Variants in RANBP17 observed in about 807,000 individuals in gnomAD.
RANBP17 encodes the protein ran-binding protein 17.
A neutral mutation model predicts 141.2 loss-of-function variants in RANBP17; 158 were observed. The observed-to-expected ratio is 1.12, with a 90% CI of 0.98 to 1.28. RANBP17 has a LOEUF of 1.28. Among genes scored for constraint, RANBP17 ranks in the 50% most tolerant of loss-of-function variants. The pLI, the probability that RANBP17 is intolerant of heterozygous loss-of-function variation, is 0.00. For missense variants in RANBP17, 1,438 were observed against 1,290.7 expected (o/e 1.11, Z -1.75); for synonymous variants, 430 against 450.0 (o/e 0.96, Z 0.56).
chr5:170,881,958 A>T, intron 3 of RANBP17, 62 bp downstream of exon 3: 1 of 1,106,694 alleles, frequency 9.0e-7, no homozygotes, highest in Non-Finnish European at 1.3e-6. Context: ...TTTTAAATAT[A>T]CTAAACTGTT....
intron 14 of RANBP17, among the ~76,000 whole-genome samples, chr5:171,112,910 C>T (rs183361057): frequency 2.0e-5 from 3 of 152,224 alleles, no homozygotes; most frequent in Admixed American, 2.0e-4. Flanking sequence ...GCCTTCTTGG[C>T]TTTGTCAAGT....
At chr5:171,060,940 T>C (rs1251730080) in intron 14 of RANBP17, among the ~76,000 whole-genome samples, 1 of 103,544 alleles carries the variant, frequency 9.7e-6, no homozygotes, top group Non-Finnish European at 2.1e-5. Flanking sequence ...GATTTTCTAG[T>C]TTATTTGCGT....
intron 25 of RANBP17, among the ~76,000 whole-genome samples, chr5:171,287,846 C>G (rs772009793): frequency 3.9e-5 from 6 of 152,128 alleles, no homozygotes; most frequent in Non-Finnish European, 7.3e-5. Flanking sequence ...GACCAGGGTT[C>G]ATATCATCAC....
At chr5:170,936,270 G>A (rs1463040310) in intron 12 of RANBP17, among the ~76,000 whole-genome samples, 1 of 151,856 alleles carries the variant, frequency 6.6e-6, no homozygotes, top group Non-Finnish European at 1.5e-5. Context: ...CGCCGTGCTA[G>A]GTGGGCTGCA....
intron 13 of RANBP17, 134 bp from the exon 14 acceptor site, chr5:170,968,108 A>G: frequency 1.6e-6 from 1 of 608,380 alleles, no homozygotes; most frequent in Non-Finnish European, 2.6e-6. Flanking sequence ...TTCAAAAAAT[A>G]TTTTCTTTAT....
At chr5:170,956,944 T>C (rs2085509) in intron 13 of RANBP17, among the ~76,000 whole-genome samples, 92,678 of 151,068 alleles carry the variant, frequency 0.61, 29,770 homozygotes, top group South Asian at 0.9. Flanking sequence ...GTGGCGGGCA[T>C]CTGTAGTCCC....
chr5:171,138,996 G>A (rs928193447), intron 14 of RANBP17, among the ~76,000 whole-genome samples: 2 of 152,028 alleles, frequency 1.3e-5, no homozygotes, highest in East Asian at 1.9e-4. Flanking sequence ...AGAATCACTC[G>A]AGCCCAAGAG....
intron 12 of RANBP17, 41 bp downstream of exon 12, chr5:170,924,591 A>G (rs1231126515): frequency 3.2e-6 from 4 of 1,235,080 alleles, no homozygotes; most frequent in Non-Finnish European, 4.6e-6. Context: ...TATGTTGAAT[A>G]TTAAGTAACA....
At chr5:170,948,696 T>G (rs1390001895) in intron 12 of RANBP17, among the ~76,000 whole-genome samples, 1 of 152,188 alleles carries the variant, frequency 6.6e-6, no homozygotes, top group East Asian at 1.9e-4. Flanking sequence ...TTGCAGGGAT[T>G]GACAAACTGT....
At chr5:171,060,849 T>C in intron 14 of RANBP17, among the ~76,000 whole-genome samples, 1 of 152,214 alleles carries the variant, frequency 6.6e-6, no homozygotes, top group Non-Finnish European at 1.5e-5. Flanking sequence ...GAGCCTGTTA[T>C]TAGTCTATTC....
At chr5:171,104,416 A>G (rs1014798459) in intron 14 of RANBP17, among the ~76,000 whole-genome samples, 2 of 152,202 alleles carry the variant, frequency 1.3e-5, no homozygotes, top group African/African-American at 4.8e-5. Flanking sequence ...TCAGAAAGAG[A>G]ACATAAATGC....
intron 11 of RANBP17, among the ~76,000 whole-genome samples, chr5:170,920,488 T>A (rs1227017976): frequency 6.8e-6 from 1 of 147,314 alleles, no homozygotes; most frequent in African/African-American, 2.5e-5. Flanking sequence ...CATTTCCCAT[T>A]TTTTAATTGG....
chr5:171,277,637 G>GTGTGTGTATATATATATATATA lies in RANBP17; in HGVS notation c.2943+11791_2943+11792insGTGTGTATATATATATATATAT, dbSNP rs1437482589. Among the ~76,000 whole-genome samples, 8 of 56,920 alleles carry GTGTGTGTATATATATATATATA rather than the reference G, an allele frequency of 1.4e-4. 1 individual carries two copies. In the South Asian group the frequency reaches 5.3e-3, roughly 37 times the overall value. 37.3% of individuals were successfully genotyped at this position (56,920 alleles called of 152,430 possible). On this transcript the variant is annotated intron_variant, in intron 25 of 27. Transcript: ENST00000523189. Reference sequence around the variant, plus strand: ...GTGCCTTACGTATACATATATGTATGTATATATATATATATATATATATAT... The same window carrying GTGTGTGTATATATATATATATA: ...GTGCCTTACGTATACATATATGTATGTGTGTGTATATATATATATATATATATATATATATATATATATATAT...
intron 2 of RANBP17, 86 bp from the exon 3 acceptor site, chr5:170,881,720 C>A: frequency 2.1e-6 from 2 of 943,832 alleles, no homozygotes; most frequent in Non-Finnish European, 3.0e-6. Context: ...GGAAGAATTT[C>A]TGTTATTGCT....
Position 171,191,128 on chromosome 5 carries a change from A to C in RANBP17, c.2038+7698A>C, listed in dbSNP as rs573349026. Among the ~76,000 whole-genome samples the C allele has an allele frequency of 5.9e-5, 9 of 152,292 alleles. 1 individual carries two copies. The highest frequency in any genetic ancestry group is 1.3e-4 in the Non-Finnish European group (9 of 68,032). ...GTATCCATATACTTTGGCTTATAAG[A>C]GGTAATTGGCATCTGAAGATATCAC... On this transcript the variant is annotated intron_variant, in intron 18 of 27. Coordinates refer to ENST00000523189, the MANE Select transcript of RANBP17 (RefSeq NM_022897.5).
chr5:171,053,896 TATATATATATATATATATATATATATATA>T lies in RANBP17; in HGVS notation c.1710+85522_1710+85550del, dbSNP rs1411161378. ...TTTAGTTCATATATATATATATATA[TATATATATATATATATATATATATATATA>T]ATTGCTGTATTTGATGCATATATGC... On this transcript the variant is annotated intron_variant, in intron 14 of 27. Transcript: ENST00000523189. Among the ~76,000 whole-genome samples, 10 of 129,256 alleles carry T rather than the reference TATATATATATATATATATATATATATATA, an allele frequency of 7.7e-5. No individual in the cohort carries two copies. The East Asian group carries it at 1.8e-3, about 24-fold the overall frequency. 84.8% of individuals were successfully genotyped at this position (129,256 alleles called of 152,430 possible). A position where few individuals can be genotyped will look rare whatever the true frequency, so the allele number is the denominator to read the frequency against.
rs189037088 is a variant in RANBP17 at position 170,876,348 on chromosome 5, C to T, written c.19-1749C>T. Among the ~76,000 whole-genome samples the T allele has an allele frequency of 1.1e-4, 17 of 151,964 alleles. No homozygotes were observed. The East Asian group carries it at 1.2e-3, about 10-fold the overall frequency. ...TTTGGTTCTTCTCAGTGGGAGCCTC[C>T]GATCGCCACTGCTTCTAGTTGGCCA... On this transcript the variant is annotated intron_variant, in intron 1 of 27. Coordinates refer to ENST00000523189, the MANE Select transcript of RANBP17 (RefSeq NM_022897.5).
chr5:171,102,727 G>T (rs543106067), intron 14 of RANBP17, among the ~76,000 whole-genome samples: 3 of 151,828 alleles, frequency 2.0e-5, no homozygotes, highest in Non-Finnish European at 4.4e-5. Flanking sequence ...CCTCATCTTC[G>T]TGGATTTGTC....
intron 13 of RANBP17, among the ~76,000 whole-genome samples, chr5:170,954,130 A>G (rs1246551995): frequency 6.6e-6 from 1 of 152,212 alleles, no homozygotes; most frequent in Non-Finnish European, 1.5e-5. Context: ...TCAAGTTTCT[A>G]TTCTAACCTG....
Sources: gnomAD v4.1 joint callset for allele counts (sites outside exome capture counted in the v4.1 genomes callset) on GRCh38, gnomAD v4.1.1 for gene constraint, MANE v1.5 for transcripts, NCBI Gene and HGNC (gene_info 2026-07-23, HGNC 2026-07-21) for gene names.